Variants in SPATA21 observed in about 807,000 individuals in gnomAD.
SPATA21 encodes the protein spermatogenesis-associated protein 21.
In SPATA21, 47 loss-of-function variants were observed where a neutral mutation model predicts 54.8. The observed-to-expected ratio is 0.86, with a 90% CI of 0.68 to 1.09. SPATA21 has a LOEUF of 1.09. SPATA21 is among the 50% of genes least tolerant of loss of function. The probability of loss-of-function intolerance (pLI) is 0.00; values close to 1 mark genes in which losing one functional copy is unlikely to be tolerated. For missense variants in SPATA21, 599 were observed against 596.4 expected, an observed-to-expected ratio of 1.00 and a Z score of -0.05; for synonymous variants, 245 against 235.3, an observed-to-expected ratio of 1.04 and a Z score of -0.38.
intron 3 of SPATA21, among the ~76,000 whole-genome samples, chr1:16,423,560 T>TTG (rs1491388345): frequency 7.1e-6 from 1 of 141,300 alleles, no homozygotes; most frequent in Non-Finnish European, 1.5e-5. Flanking sequence ...TTTTTTTTTT[T>TTG]GGAGACAGAG....
At chr1:16,434,424 G>T (rs2086536200) in intron 1 of SPATA21, among the ~76,000 whole-genome samples, 1 of 151,784 alleles carries the variant, frequency 6.6e-6, no homozygotes, top group South Asian at 2.1e-4. Context: ...GGCTGGCTGG[G>T]ACTACAGACG....
At chr1:16,402,384 C>G (rs1394494769) in intron 10 of SPATA21, among the ~76,000 whole-genome samples, 2 of 150,726 alleles carry the variant, frequency 1.3e-5, no homozygotes, top group East Asian at 3.9e-4. Context: ...GCCTCAGCCT[C>G]CCGAGTAGCT....
At chr1:16,422,838 G>T (rs2086209830) in intron 3 of SPATA21, among the ~76,000 whole-genome samples, 1 of 152,042 alleles carries the variant, frequency 6.6e-6, no homozygotes, top group African/African-American at 2.4e-5. Context: ...ATACTTCAAA[G>T]AACAAGAATC....
intron 1 of SPATA21, among the ~76,000 whole-genome samples, chr1:16,436,111 G>A (rs1468566359): frequency 6.6e-6 from 1 of 152,012 alleles, no homozygotes; most frequent in Non-Finnish European, 1.5e-5. Flanking sequence ...AATTAGCTGA[G>A]TGTGGTGGTG....
chr1:16,404,138 T>C (rs901724144), intron 8 of SPATA21, 99 bp from the exon 9 acceptor site: 1 of 1,024,754 alleles, frequency 9.8e-7, no homozygotes, highest in Non-Finnish European at 1.5e-6. Context: ...CTGGGTCTGA[T>C]TATCAAGCAG....
downstream of SPATA21, chr1:16,398,131 G>A (rs1477676330): frequency 1.6e-5 from 8 of 489,470 alleles, no homozygotes; most frequent in Non-Finnish European, 2.1e-5. Context: ...TTAAATACAT[G>A]TTTTAAACTT....
chr1:16,424,417 TTTTTTA>T (rs1445350929), intron 3 of SPATA21, among the ~76,000 whole-genome samples: 1 of 151,306 alleles, frequency 6.6e-6, no homozygotes, highest in African/African-American at 2.4e-5. Context: ...TTTTATTTAT[TTTTTTA>T]TTTTTATTTT....
At position 16,431,831 on chromosome 1, in the gene SPATA21, C is replaced by G. The variant is rs111902291; in HGVS notation, c.-51-409G>C. On this transcript the variant is annotated intron_variant, in intron 2 of 12. Coordinates refer to ENST00000335496, the MANE Select transcript of SPATA21 (RefSeq NM_198546.1). ...CAAGGCTAAATGCCTTTGGAAAGTG[C>G]TGTGATGAGCGAAATGATACAGGCT... Among the ~76,000 whole-genome samples, 409 of 152,274 alleles carry G rather than the reference C, an allele frequency of 2.7e-3. 1 individual carries two copies. The highest frequency in any genetic ancestry group is 9.2e-3 in the African/African-American group (382 of 41,554).
intron 5 of SPATA21, among the ~76,000 whole-genome samples, chr1:16,419,316 G>A (rs767229625): frequency 1.8e-4 from 27 of 152,186 alleles, no homozygotes; most frequent in Non-Finnish European, 3.7e-4. Context: ...TAGACATAGG[G>A]CTTTATGGCT....
chr1:16,409,760 C>T lies in SPATA21; in HGVS notation c.428G>A (p.Arg143Gln), dbSNP rs1303135645. The T allele has an allele frequency of 5.0e-6, 8 of 1,606,994 alleles. No individual in the cohort carries two copies. The highest frequency in any genetic ancestry group is 4.5e-5 in the East Asian group (2 of 44,810). The change falls in exon 6 of 13, where the codon CGG (arginine) becomes CAG (glutamine). Residue 143 changes from arginine (R) to glutamine (Q), a missense_variant. Physicochemically the swap from Arg to Gln is conservative, Grantham distance 43. Coordinates refer to ENST00000335496, the MANE Select transcript of SPATA21 (RefSeq NM_198546.1). This position sits in a 1 kb window ranked among gnomAD's most constrained non-coding sequence, Gnocchi z 4.1. ...AGGTTCTGGCCCAGGAGCTGGCAGC[C>T]GGGCCCACGATGGGCCGCTGGCAGG... ...SVPASGPSWA[R>Q]LPAPGPEPAP...
At chr1:16,435,001 G>T (rs2086550428) in intron 1 of SPATA21, among the ~76,000 whole-genome samples, 1 of 152,074 alleles carries the variant, frequency 6.6e-6, no homozygotes, top group Non-Finnish European at 1.5e-5. Flanking sequence ...GAGACTACAA[G>T]TGCACACCAC....
intron 10 of SPATA21, among the ~76,000 whole-genome samples, chr1:16,401,496 G>T (rs2085446842): frequency 6.6e-6 from 1 of 152,102 alleles, no homozygotes; most frequent in African/African-American, 2.4e-5. Flanking sequence ...TGGTCTCGCT[G>T]TGTTGCCCAG....
chr1:16,426,254 C>CTTATTTAT (rs750947536), intron 3 of SPATA21, among the ~76,000 whole-genome samples: 319 of 151,616 alleles, frequency 2.1e-3, no homozygotes, highest in African/African-American at 7.3e-3. Context: ...CGTATGCATA[C>CTTATTTAT]TTATTTATTT....
chr1:16,410,203 T>C (rs1055533741), intron 5 of SPATA21, among the ~76,000 whole-genome samples, 160 bp from the exon 6 acceptor site: 1 of 152,200 alleles, frequency 6.6e-6, no homozygotes, highest in African/African-American at 2.4e-5. Context: ...ACTGTGCTCC[T>C]GCCCCACGTC....
chr1:16,436,329 G>T (rs1169441391), intron 1 of SPATA21, among the ~76,000 whole-genome samples: 2 of 150,694 alleles, frequency 1.3e-5, no homozygotes, highest in Non-Finnish European at 2.9e-5. Context: ...GAGGGTTGCA[G>T]TGAGCCGAGA....
In SPATA21 at chr1:16,409,698, A is replaced by C; in HGVS notation, c.490T>G (p.Cys164Gly). ...MGAPVPTSMP[C>G]PVLLGPALDL... is the part of the protein sequence containing the mutation. Reference sequence around the variant, plus strand: ...AGGGCAGGGCCCAGCAGGACAGGGCAAGGCATGGAGGTGGGGACCGGGGCT... The same window carrying C: ...AGGGCAGGGCCCAGCAGGACAGGGCCAGGCATGGAGGTGGGGACCGGGGCT... The change falls in exon 6 of 13, where the codon TGC becomes GGC. Residue 164 changes from cysteine to glycine, a missense_variant. Cys to Gly is a radical substitution (Grantham distance 159, BLOSUM62 -3). Transcript: ENST00000335496. The surrounding 1 kb of genome is among the most constrained non-coding windows in gnomAD (Gnocchi z 4.1). 6.2e-7 allele frequency: 1 copy of C among 1,613,266 alleles called. No individual in the cohort carries two copies. The highest frequency in any genetic ancestry group is 8.5e-7 in the Non-Finnish European group (1 of 1,179,956).
rs1251987569 is a variant in SPATA21 at position 16,398,830 on chromosome 1, G to T, written c.1353-8C>A. The stretch of plus-strand genomic sequence containing the variant: ...CTGTCAGAGTTGTGTTCCCTGGGGA[G>T]AGGAGTAGGGCAGAAGGGTGGGAGA... On this transcript the variant is annotated splice_region_variant and splice_polypyrimidine_tract_variant and intron_variant, in intron 12 of 12. Coordinates refer to ENST00000335496, the MANE Select transcript of SPATA21 (RefSeq NM_198546.1). 6.2e-7 allele frequency: 1 copy of T among 1,604,860 alleles called. No homozygotes were observed. The highest frequency in any genetic ancestry group is 8.5e-7 in the Non-Finnish European group (1 of 1,179,300).
intron 7 of SPATA21, 88 bp from the exon 8 acceptor site, chr1:16,405,192 C>T: frequency 6.6e-7 from 1 of 1,512,438 alleles, no homozygotes; most frequent in East Asian, 2.5e-5. Context: ...CTGCCAGCCT[C>T]CTCCACCATC....
intron 3 of SPATA21, 141 bp from the exon 4 acceptor site, chr1:16,422,112 C>T: frequency 6.6e-7 from 1 of 1,526,090 alleles, no homozygotes. Flanking sequence ...CAGTGGCTGG[C>T]CATGGCTGGC....
Sources: gnomAD v4.1 joint callset for allele counts (sites outside exome capture counted in the v4.1 genomes callset) on GRCh38, gnomAD v4.1.1 for gene constraint, Gnocchi (gnomAD v3.1) non-coding constraint, MANE v1.5 for transcripts, NCBI Gene and HGNC (gene_info 2026-07-23, HGNC 2026-07-21) for gene names.